SCARA5: variants seen among roughly 807,000 people sequenced by gnomAD.
SCARA5 encodes the protein scavenger receptor class A, member 5 (putative).
Under a neutral mutation model 46.3 loss-of-function variants are expected in SCARA5, and 45 were observed. The ratio of observed to expected loss-of-function variants is 0.97; its 90% CI spans 0.76 to 1.24. SCARA5 has a LOEUF of 1.24. SCARA5 is among the 50% of genes most tolerant of loss of function. The probability of loss-of-function intolerance (pLI) is 0.00; values close to 1 mark genes in which losing one functional copy is unlikely to be tolerated. For missense variants in SCARA5, 680 were observed against 689.0 expected (o/e 0.99, Z 0.15); for synonymous variants, 333 against 306.5 (o/e 1.09, Z -0.90).
chr8:27,889,868 T>C (rs1454457437), intron 7 of SCARA5, among the ~76,000 whole-genome samples: 4 of 152,200 alleles, frequency 2.6e-5, no homozygotes, highest in Admixed American at 2.6e-4. Context: ...AAAGTGATAA[T>C]ATTTGTTGAA....
chr8:27,989,723 C>T (rs1361142091), intron 1 of SCARA5, among the ~76,000 whole-genome samples: 1 of 152,200 alleles, frequency 6.6e-6, no homozygotes, highest in Admixed American at 6.5e-5. Context: ...CCCCAGACAC[C>T]ACCCACTCTG....
intron 3 of SCARA5, among the ~76,000 whole-genome samples, chr8:27,934,368 C>T (rs1001817032): frequency 6.6e-6 from 1 of 152,174 alleles, no homozygotes; most frequent in Non-Finnish European, 1.5e-5. Context: ...CCTGGGAGGT[C>T]GCACTGTTTC....
At chr8:27,882,307 T>C (rs80085359) in intron 7 of SCARA5, among the ~76,000 whole-genome samples, 3,519 of 152,338 alleles carry the variant, frequency 0.023, 145 homozygotes, top group African/African-American at 0.081. Context: ...GAAAAACATC[T>C]TGGTTGCTTC....
In SCARA5 at chr8:27,989,010, G is replaced by A. The variant is rs575746156; in HGVS notation, c.-15-1380C>T. 1.2e-3 allele frequency among the ~76,000 whole-genome samples: 187 copies of A among 151,850 alleles called. 1 individual carries two copies. Among genetic ancestry groups the A allele is most frequent in the African/African-American group, 4.1e-3 (171 of 41,382 alleles). ...TCAGAGGGAGGGTGGGCAAGGAGGCGTGGCAACTTTCATAAATAGACATAA... is the reference window on the plus strand; with the variant it reads ...TCAGAGGGAGGGTGGGCAAGGAGGCATGGCAACTTTCATAAATAGACATAA... On this transcript the variant is annotated intron_variant, in intron 1 of 8. Coordinates refer to ENST00000354914, the MANE Select transcript of SCARA5 (RefSeq NM_173833.6).
chr8:27,943,586 G>A (rs1195860659), intron 3 of SCARA5, among the ~76,000 whole-genome samples: 1 of 152,202 alleles, frequency 6.6e-6, no homozygotes, highest in African/African-American at 2.4e-5. Flanking sequence ...AATGTTTGAG[G>A]TGTAAATATC....
intron 3 of SCARA5, among the ~76,000 whole-genome samples, chr8:27,952,112 T>C (rs1365058937): frequency 6.6e-6 from 1 of 151,400 alleles, no homozygotes; most frequent in Non-Finnish European, 1.5e-5. Context: ...GAAACAGACA[T>C]GTAGGGAAGA....
At chr8:27,898,593 T>G (rs1401865675) in intron 7 of SCARA5, among the ~76,000 whole-genome samples, 5 of 152,234 alleles carry the variant, frequency 3.3e-5, no homozygotes, top group Non-Finnish European at 5.9e-5. Context: ...CAGGAGCATC[T>G]CTTGTGAGAA....
At position 27,940,820 on chromosome 8, in the gene SCARA5, T is replaced by C. The variant is rs536587910; in HGVS notation, c.242-18575A>G. Among the ~76,000 whole-genome samples, 214 of 140,524 alleles carry C rather than the reference T, an allele frequency of 1.5e-3. 1 individual carries two copies. The highest frequency in any genetic ancestry group is 4.7e-3 in the African/African-American group (175 of 37,562). 92.2% of individuals were successfully genotyped at this position (140,524 alleles called of 152,430 possible). ...CATCCATCCAAATCATCACTGACCA[T>C]AATGCAAAAGGCATTTCACCCAAAC... is the stretch of plus-strand genomic sequence containing the variant. On this transcript the variant is annotated intron_variant, in intron 3 of 8. Transcript: ENST00000354914.
chr8:27,950,237 A>C (rs987999130), intron 3 of SCARA5, among the ~76,000 whole-genome samples: 2 of 152,062 alleles, frequency 1.3e-5, no homozygotes, highest in Admixed American at 1.3e-4. Flanking sequence ...GCTCTTTGCC[A>C]TTAAACCACC....
chr8:27,944,489 G>T (rs1406002396), intron 3 of SCARA5, among the ~76,000 whole-genome samples: 1 of 152,098 alleles, frequency 6.6e-6, no homozygotes, highest in African/African-American at 2.4e-5. Context: ...GGCATAAAAT[G>T]TTAACAATAT....
intron 3 of SCARA5, among the ~76,000 whole-genome samples, chr8:27,957,083 G>A (rs1808218214): frequency 6.6e-6 from 1 of 152,190 alleles, no homozygotes; most frequent in African/African-American, 2.4e-5. Context: ...GAGGCACAGA[G>A]GCCGAGGCAT....
In SCARA5 at chr8:27,971,054, C is replaced by T. The variant is rs114772554; in HGVS notation, c.113-4512G>A. On this transcript the variant is annotated intron_variant, in intron 2 of 8. Coordinates refer to ENST00000354914, the MANE Select transcript of SCARA5 (RefSeq NM_173833.6). Reference sequence around the variant, plus strand: ...CTGTGGGAAGGAGAGACTTTGTTAGCGTCATTCACTTCCAACTGCCCATCT... The same window carrying T: ...CTGTGGGAAGGAGAGACTTTGTTAGTGTCATTCACTTCCAACTGCCCATCT... 8.4e-3 allele frequency among the ~76,000 whole-genome samples: 1,283 copies of T among 152,322 alleles called. 20 individuals are homozygous for T. The highest frequency in any genetic ancestry group is 0.029 in the African/African-American group (1,192 of 41,568).
rs550116025 is a variant in SCARA5, at chr8:27,968,791, A to C, written c.113-2249T>G. ...CTTTGTCATCTTCATATGTGTTGCT[A>C]GTTCACTGTAGGAGTGGGTCAATGT... On this transcript the variant is annotated intron_variant, in intron 2 of 8. Transcript: ENST00000354914. 1.6e-4 allele frequency among the ~76,000 whole-genome samples: 25 copies of C among 152,272 alleles called. 1 individual carries two copies. The highest frequency in any genetic ancestry group is 5.3e-4 in the African/African-American group (22 of 41,570).
chr8:27,956,595 A>G (rs1808210892), intron 3 of SCARA5, among the ~76,000 whole-genome samples: 1 of 152,228 alleles, frequency 6.6e-6, no homozygotes, highest in Non-Finnish European at 1.5e-5. Flanking sequence ...AGAGGTTTAA[A>G]CAATTTCCCC....
chr8:27,917,544 C>G (rs1369241409), intron 4 of SCARA5, among the ~76,000 whole-genome samples: 1 of 152,140 alleles, frequency 6.6e-6, no homozygotes, highest in Non-Finnish European at 1.5e-5. Context: ...ATGCTTCCAT[C>G]CCAACAACCA....
chr8:27,987,475 T>C (rs750374392), intron 2 of SCARA5, 29 bp downstream of exon 2: 24 of 1,520,158 alleles, frequency 1.6e-5, no homozygotes, highest in Non-Finnish European at 2.1e-5. Flanking sequence ...CCAGATCTTG[T>C]GCCCCAAGTC....
At chr8:27,972,469 T>C (rs1202272460) in intron 2 of SCARA5, among the ~76,000 whole-genome samples, 1 of 152,184 alleles carries the variant, frequency 6.6e-6, no homozygotes, top group Non-Finnish European at 1.5e-5. Flanking sequence ...TTAATGAAAG[T>C]AACTAAGTCA....
In SCARA5 at chr8:27,957,451, G is replaced by T. The variant is rs577855698; in HGVS notation, c.241+8963C>A. Among the ~76,000 whole-genome samples the T allele has an allele frequency of 2.9e-4, 44 of 152,338 alleles. No homozygotes were observed. The South Asian group carries it at 6.8e-3, about 24-fold the overall frequency. On this transcript the variant is annotated intron_variant, in intron 3 of 8. Transcript: ENST00000354914. ...CGAAGTGGGCAGAGTAATCCCTTCT[G>T]CTCTGCTATACAGATGAGGACATTA...
At chr8:27,953,726 C>T (rs1377536943) in intron 3 of SCARA5, among the ~76,000 whole-genome samples, 1 of 152,230 alleles carries the variant, frequency 6.6e-6, no homozygotes, top group Non-Finnish European at 1.5e-5. Flanking sequence ...CAGATCAAAA[C>T]CCTGGGGTGT....
Sources: allele counts gnomAD v4.1 joint callset (sites outside exome capture counted in the v4.1 genomes callset), GRCh38; gene constraint gnomAD v4.1.1; transcripts MANE v1.5; gene names NCBI Gene and HGNC (gene_info 2026-07-23, HGNC 2026-07-21).